Variants in IGSF10 observed in about 807,000 individuals in gnomAD.
IGSF10 encodes immunoglobulin superfamily member 10.
IGSF10 carries 126 observed loss-of-function variants against 128.2 expected under a neutral mutation model. That is an observed-to-expected ratio of 0.98 (90% CI 0.85 to 1.14). The LOEUF (loss-of-function observed/expected upper bound fraction) is 1.14, where lower values mean the gene tolerates loss of function less well. IGSF10 is among the 50% of genes most tolerant of loss of function. The probability of loss-of-function intolerance (pLI) is 0.00; values close to 1 mark genes in which losing one functional copy is unlikely to be tolerated. For synonymous variants in IGSF10, 1,185 were observed against 1,146.2 expected (o/e 1.03, Z -0.68); for missense variants, 3,295 against 3,149.8 (o/e 1.05, Z -1.10).
chr3:151,614,131 A>C, the IGSF10 span, among the ~76,000 whole-genome samples: 3 of 152,244 alleles, frequency 2.0e-5, no homozygotes, highest in Admixed American at 6.5e-5. Flanking sequence ...ATACCATCTC[A>C]CACCAGTTAG....
Position 151,452,249 on chromosome 3 carries a change from T to G in IGSF10, c.715+1135A>C, listed in dbSNP as rs112368078. Among the ~76,000 whole-genome samples, 779 of 152,314 alleles carry G rather than the reference T, an allele frequency of 5.1e-3. 6 individuals are homozygous for G. The highest frequency in any genetic ancestry group is 0.018 in the African/African-American group (736 of 41,566). ...ACAGGGACACATTCTGAAAAATGCA[T>G]CATTAGGCAATTTTGTTGTGCAAAC... On this transcript the variant is annotated intron_variant, in intron 5 of 7. Transcript: ENST00000282466.
chr3:151,446,047 T>G lies in IGSF10; in HGVS notation c.3934A>C (p.Ile1312Leu), dbSNP rs369781630. The G allele has an allele frequency of 1.9e-6, 3 of 1,614,130 alleles. No homozygotes were observed. In the Admixed American group the frequency reaches 5.0e-5, roughly 27 times the overall value. ...ISKDSSTKSI[I>L]STQTAIPATT... ...GCTGGTATTGCTGTTTGCGTTGATA[T>G]GATGCTTTTTGTACTTGAGTCTTTG... Residue 1312 changes from isoleucine to leucine, a missense_variant, in exon 6 of 8, where the codon ATA becomes CTA. Ile to Leu is a conservative substitution (Grantham distance 5). Coordinates refer to ENST00000282466, the MANE Select transcript of IGSF10 (RefSeq NM_178822.5).
chr3:151,516,458 C>T, the IGSF10 span, among the ~76,000 whole-genome samples: 1 of 152,110 alleles, frequency 6.6e-6, no homozygotes, highest in South Asian at 2.1e-4. Context: ...ATTTTGCAGC[C>T]AGCCTTATAT....
At chr3:151,539,788 CTATCT>C in the IGSF10 span, among the ~76,000 whole-genome samples, 1 of 151,818 alleles carries the variant, frequency 6.6e-6, no homozygotes, top group Admixed American at 6.6e-5. Flanking sequence ...ATCTATCTAT[CTATCT>C]ATCTATCTAT....
At chr3:151,432,851 C>T, downstream of IGSF10, 1 of 1,472,326 alleles carries the variant, frequency 6.8e-7, no homozygotes, top group South Asian at 1.2e-5. Flanking sequence ...CACTGAAAAA[C>T]AGAAAATCAA....
chr3:151,617,645 T>C, the IGSF10 span, among the ~76,000 whole-genome samples: 66 of 151,864 alleles, frequency 4.3e-4, no homozygotes, highest in Non-Finnish European at 2.1e-4. Flanking sequence ...GATGTGAGGG[T>C]AGAATGAATC....
the IGSF10 span, among the ~76,000 whole-genome samples, chr3:151,475,365 C>A: frequency 6.6e-6 from 1 of 152,104 alleles, no homozygotes; most frequent in African/African-American, 2.4e-5. Context: ...GAGAGGTTAA[C>A]CAAAAGGGGG....
At chr3:151,511,051 T>C in the IGSF10 span, among the ~76,000 whole-genome samples, 6 of 152,264 alleles carry the variant, frequency 3.9e-5, no homozygotes, top group African/African-American at 1.4e-4. Context: ...CAGGATATTA[T>C]CCAGGAGAAC....
At position 151,438,155 on chromosome 3, in the gene IGSF10, C is replaced by G. The variant is rs1720543592; in HGVS notation, c.6406G>C (p.Val2136Leu). 2 of 1,614,174 alleles carry G rather than the reference C, an allele frequency of 1.2e-6. No individual in the cohort carries two copies. The highest frequency in any genetic ancestry group is 1.7e-6 in the Non-Finnish European group (2 of 1,180,028). ...GKDEMKVHLT[V>L]ITAAPRIRQS... ...CTTATCCGGGGAGCAGCTGTTATAA[C>G]TGTTAAGTGGACCTTCATTTCATCT... The change falls in exon 8 of 8, where the codon GTT becomes CTT. Residue 2136 changes from valine (V) to leucine (L), a missense_variant. Transcript: ENST00000282466.
At chr3:151,504,043 T>C in the IGSF10 span, among the ~76,000 whole-genome samples, 1 of 152,170 alleles carries the variant, frequency 6.6e-6, no homozygotes, top group Non-Finnish European at 1.5e-5. Flanking sequence ...TAGTGGCCTC[T>C]GGCTGCATGA....
At chr3:151,442,376 T>C (rs1395099569) in intron 7 of IGSF10, among the ~76,000 whole-genome samples, 1 of 89,396 alleles carries the variant, frequency 1.1e-5, no homozygotes, top group Admixed American at 1.2e-4. Context: ...TTTATACAAT[T>C]ACTATTTTTT....
At chr3:151,590,966 T>C in the IGSF10 span, among the ~76,000 whole-genome samples, 2 of 151,784 alleles carry the variant, frequency 1.3e-5, no homozygotes, top group African/African-American at 2.4e-5. Context: ...GAAAAGACAT[T>C]AGGAAAGTTG....
chr3:151,441,822 G>A lies in IGSF10; in HGVS notation c.5963+1162C>T, dbSNP rs1720865508. 2.0e-5 allele frequency among the ~76,000 whole-genome samples: 3 copies of A among 152,336 alleles called. No individual in the cohort carries two copies. The South Asian group carries it at 6.2e-4, about 32-fold the overall frequency. On this transcript the variant is annotated intron_variant, in intron 7 of 7. Transcript: ENST00000282466. Reference sequence around the variant, plus strand: ...CATGCCTGTAATCCCAGCACTTTGGGAGGCTAAGGCGGGCAGATCACGAGG... The same window carrying A: ...CATGCCTGTAATCCCAGCACTTTGGAAGGCTAAGGCGGGCAGATCACGAGG...
chr3:151,432,906 C>A, downstream of IGSF10: 10 of 821,626 alleles, frequency 1.2e-5, no homozygotes, highest in East Asian at 3.0e-5. Flanking sequence ...TTTTTCATTT[C>A]TTTGACATTT....
the IGSF10 span, among the ~76,000 whole-genome samples, chr3:151,539,810 ATCT>A: frequency 1.4e-5 from 2 of 148,130 alleles, no homozygotes; most frequent in East Asian, 2.0e-4. Context: ...CTATCTATCT[ATCT>A]ATCATCTATC....
At chr3:151,610,221 A>G in the IGSF10 span, among the ~76,000 whole-genome samples, 2 of 152,236 alleles carry the variant, frequency 1.3e-5, no homozygotes, top group Admixed American at 1.3e-4. Flanking sequence ...GACTTGCTAC[A>G]TATCTGATAT....
the IGSF10 span, among the ~76,000 whole-genome samples, chr3:151,590,736 T>C: frequency 5.3e-5 from 8 of 152,150 alleles, no homozygotes; most frequent in African/African-American, 1.9e-4. Context: ...TTTCATCCCA[T>C]GGACAGAAAC....
the IGSF10 span, among the ~76,000 whole-genome samples, chr3:151,469,181 T>C: frequency 6.6e-6 from 1 of 152,378 alleles, no homozygotes; most frequent in South Asian, 2.1e-4. Context: ...CTATCGTGAA[T>C]AGTGCTGCAA....
At chr3:151,609,670 G>A in the IGSF10 span, among the ~76,000 whole-genome samples, 2 of 152,202 alleles carry the variant, frequency 1.3e-5, no homozygotes, top group African/African-American at 4.8e-5. Flanking sequence ...TAAAGAGACT[G>A]AAATCATGTT....
Sources: gnomAD v4.1 joint callset for allele counts (sites outside exome capture counted in the v4.1 genomes callset) on GRCh38, gnomAD v4.1.1 for gene constraint, MANE v1.5 for transcripts, NCBI Gene and HGNC (gene_info 2026-07-23, HGNC 2026-07-21) for gene names.